ZNF571: variants seen among roughly 807,000 people sequenced by gnomAD.
ZNF571 encodes zinc finger protein 571.
Under a neutral mutation model 7.7 loss-of-function variants are expected in ZNF571, and 4 were observed. That is an observed-to-expected ratio of 0.52 (90% CI 0.25 to 1.18). The LOEUF is 1.18. Ranked by LOEUF, ZNF571 falls within the 50% of genes most tolerant of loss-of-function variation. ZNF571 has a pLI of 0.14. For synonymous variants in ZNF571, 251 were observed against 232.4 expected (o/e 1.08, Z -0.73); for missense variants, 704 against 726.9 (o/e 0.97, Z 0.36).
chr19:37,568,405 TTTTG>T (rs1270524300), intron 3 of ZNF571, among the ~76,000 whole-genome samples: 4 of 150,736 alleles, frequency 2.7e-5, no homozygotes, highest in African/African-American at 9.8e-5. Context: ...TAGACCCTGC[TTTTG>T]TTTCTTTCAT....
chr19:37,583,923 C>G (rs1365726016), intron 3 of ZNF571, 48 bp downstream of exon 3: 3 of 1,539,178 alleles, frequency 1.9e-6, no homozygotes, highest in Non-Finnish European at 2.6e-6. Flanking sequence ...ATGAATGAGG[C>G]AGAAATTATG....
At position 37,582,985 on chromosome 19, in the gene ZNF571, A is replaced by C. The variant is rs957311795; in HGVS notation, c.136+986T>G. On this transcript the variant is annotated intron_variant, in intron 3 of 3. Coordinates refer to ENST00000451802, the MANE Select transcript of ZNF571 (RefSeq NM_016536.5). ...TTAGAATAAAATCTCACTGCTTGCA[A>C]CAACCAACAAGGTCCTACATGATTT... is the stretch of plus-strand genomic sequence containing the variant. Among the ~76,000 whole-genome samples, 7 of 152,182 alleles carry C rather than the reference A, an allele frequency of 4.6e-5. No homozygotes were observed. In the South Asian group the frequency reaches 1.4e-3, roughly 32 times the overall value.
intron 3 of ZNF571, among the ~76,000 whole-genome samples, chr19:37,573,629 C>T (rs2043140860): frequency 6.6e-6 from 1 of 150,462 alleles, no homozygotes; most frequent in South Asian, 2.1e-4. Context: ...AAGTGCAAGA[C>T]CAGCCTGGGC....
rs943970595 is a variant in ZNF571, at chr19:37,584,176, T to C, written c.10-79A>G. 4.4e-6 allele frequency: 7 copies of C among 1,598,626 alleles called. No homozygotes were observed. In the East Asian group the frequency reaches 1.3e-4, roughly 31 times the overall value. On this transcript the variant is annotated intron_variant, in intron 2 of 3. Coordinates refer to ENST00000451802, the MANE Select transcript of ZNF571 (RefSeq NM_016536.5). ...AATGAGAAGAAAATGGAGGAGGTAA[T>C]TGAAGGAAGCAAGTAACACAAAACA...
intron 1 of ZNF571, among the ~76,000 whole-genome samples, chr19:37,592,414 G>A (rs1443708636): frequency 1.3e-5 from 2 of 152,094 alleles, no homozygotes; most frequent in Non-Finnish European, 2.9e-5. Flanking sequence ...TATTACCATA[G>A]ATATACTGTA....
At chr19:37,593,073 A>G (rs531255328) in intron 1 of ZNF571, among the ~76,000 whole-genome samples, 1 of 152,304 alleles carries the variant, frequency 6.6e-6, no homozygotes, top group African/African-American at 2.4e-5. Context: ...AATAACCACC[A>G]CGCTGTTACA....
chr19:37,591,566 T>TG lies in ZNF571; in HGVS notation c.-70+3174dup, dbSNP rs1366443373. Among the ~76,000 whole-genome samples, 11 of 152,306 alleles carry TG rather than the reference T, an allele frequency of 7.2e-5. No individual in the cohort carries two copies. In the South Asian group the frequency reaches 2.3e-3, roughly 32 times the overall value. On this transcript the variant is annotated intron_variant, in intron 1 of 3. Transcript: ENST00000451802. ...TGAACTGTATTTATTTATCTTGAGA[T>TG]GGAGTTTCACTCTTGTTGCCCAGGC...
intron 3 of ZNF571, among the ~76,000 whole-genome samples, chr19:37,575,058 TAAC>T (rs1187155716): frequency 6.6e-6 from 1 of 152,184 alleles, no homozygotes; most frequent in African/African-American, 2.4e-5. Flanking sequence ...TGAACAAACC[TAAC>T]AATACAACAC....
intron 2 of ZNF571, chr19:37,586,436 C>G (rs2043675559): frequency 5.2e-6 from 3 of 581,940 alleles, no homozygotes; most frequent in African/African-American, 1.9e-5. Flanking sequence ...GAAGACTATG[C>G]CTGTGGACAA....
chr19:37,565,549 T>C lies in ZNF571; in HGVS notation c.879A>G (p.Gln293=), dbSNP rs753070487. 4 of 1,613,368 alleles carry C rather than the reference T, an allele frequency of 2.5e-6. No homozygotes were observed. The highest frequency in any genetic ancestry group is 1.7e-5 in the Admixed American group (1 of 59,946). Reference sequence around the variant, plus strand: ...TATGAATTCTCTGATGGTAAGTAAGTTGAGAGCCAAGAATAAAGGCCTTCC... The same window carrying C: ...TATGAATTCTCTGATGGTAAGTAAGCTGAGAGCCAAGAATAAAGGCCTTCC... ...DCGKAFILGS[Q]LTYHQRIHSG... The change falls in exon 4 of 4, where the codon CAA becomes CAG. Residue 293 remains glutamine, a synonymous_variant. Transcript: ENST00000451802.
At chr19:37,585,603 G>A (rs1459716298) in intron 2 of ZNF571, 5 of 152,112 alleles carry the variant, frequency 3.3e-5, no homozygotes, top group Non-Finnish European at 7.3e-5. Context: ...AGAACTCGGC[G>A]GTCTTTGAAC....
At chr19:37,579,986 A>T (rs2043392389) in intron 3 of ZNF571, among the ~76,000 whole-genome samples, 1 of 152,212 alleles carries the variant, frequency 6.6e-6, no homozygotes, top group Non-Finnish European at 1.5e-5. Context: ...CCATTTGATT[A>T]TATAGAAATA....
At chr19:37,586,617 A>C in intron 2 of ZNF571, 51 bp downstream of exon 2, 1 of 1,611,042 alleles carries the variant, frequency 6.2e-7, no homozygotes, top group Admixed American at 1.7e-5. Context: ...TGGTGTTCAC[A>C]TTACACAACA....
intron 1 of ZNF571, among the ~76,000 whole-genome samples, chr19:37,590,696 G>T (rs2043844161): frequency 6.6e-6 from 1 of 152,056 alleles, no homozygotes; most frequent in Non-Finnish European, 1.5e-5. Flanking sequence ...AAATATGTAA[G>T]GACATAGGAC....
intron 2 of ZNF571, among the ~76,000 whole-genome samples, chr19:37,584,336 G>C (rs532862267): frequency 6.6e-6 from 1 of 152,164 alleles, no homozygotes; most frequent in African/African-American, 2.4e-5. Flanking sequence ...AGCCAGATGT[G>C]TGCAGTTTCT....
chr19:37,585,837 G>C (rs1427296848), intron 2 of ZNF571: 1 of 152,198 alleles, frequency 6.6e-6, no homozygotes, highest in Non-Finnish European at 1.5e-5. Context: ...TGGGCCCAAT[G>C]TATTTGTAAG....
chr19:37,578,560 A>AC (rs1254374392), intron 3 of ZNF571, among the ~76,000 whole-genome samples: 1 of 152,144 alleles, frequency 6.6e-6, no homozygotes, highest in Non-Finnish European at 1.5e-5. Context: ...AGCTGCCATA[A>AC]CCCCAGTGGA....
At chr19:37,581,377 G>A (rs1182295114) in intron 3 of ZNF571, among the ~76,000 whole-genome samples, 2 of 151,574 alleles carry the variant, frequency 1.3e-5, no homozygotes, top group South Asian at 2.1e-4. Flanking sequence ...TCAAGCAACC[G>A]TCCTTTTTGA....
rs921797046 is a variant in ZNF571 at position 37,574,712 on chromosome 19, A to G, written c.137-8421T>C. Among the ~76,000 whole-genome samples, 5 of 152,226 alleles carry G rather than the reference A, an allele frequency of 3.3e-5. 1 individual carries two copies. The highest frequency in any genetic ancestry group is 3.3e-4 in the Admixed American group (5 of 15,278). On this transcript the variant is annotated intron_variant, in intron 3 of 3. Coordinates refer to ENST00000451802, the MANE Select transcript of ZNF571 (RefSeq NM_016536.5). ...AGATATGACTAGAAAAAGTCACTCT[A>G]AAAATCATTTCTAACTTCCAAATGA...
Sources: allele counts gnomAD v4.1 joint callset (sites outside exome capture counted in the v4.1 genomes callset), GRCh38; gene constraint gnomAD v4.1.1; transcripts MANE v1.5; gene names NCBI Gene and HGNC (gene_info 2026-07-23, HGNC 2026-07-21).